The following GREM2 variants were observed in gnomAD, a reference collection of about 807,000 sequenced individuals.
The protein encoded by GREM2 is gremlin-2.
A neutral mutation model predicts 14.2 loss-of-function variants in GREM2; 11 were observed. The ratio of observed to expected loss-of-function variants is 0.78; its 90% CI spans 0.49 to 1.28. The LOEUF (loss-of-function observed/expected upper bound fraction) is 1.28. Among genes scored for constraint, GREM2 ranks in the 50% most tolerant of loss-of-function variants. The probability of loss-of-function intolerance (pLI) is 0.00; values close to 1 mark genes in which losing one functional copy is unlikely to be tolerated. For synonymous variants in GREM2, 98 were observed against 97.6 expected, an observed-to-expected ratio of 1.00 and a Z score of -0.02; for missense variants, 210 against 218.5, an observed-to-expected ratio of 0.96 and a Z score of 0.24.
chr1:240,560,785 G>A (rs1679022274), intron 1 of GREM2, among the ~76,000 whole-genome samples: 1 of 152,098 alleles, frequency 6.6e-6, no homozygotes, highest in Non-Finnish European at 1.5e-5. Flanking sequence ...TCTAGCTAAA[G>A]GCAGTGTCTC....
intron 1 of GREM2, among the ~76,000 whole-genome samples, chr1:240,552,226 G>C (rs1678866476): frequency 6.6e-6 from 1 of 152,086 alleles, no homozygotes; most frequent in South Asian, 2.1e-4. Context: ...TGTTTTCTTT[G>C]AAAGTCATAT....
rs1677275523 is a variant in GREM2 at position 240,492,394 on chromosome 1, T to A, written c.*575A>T. ...GTTGTCTTCTTGGTATCAGGTTTATTAGGAGACGCCCCGTCCACCGACATA... is the reference window on the plus strand; with the variant it reads ...GTTGTCTTCTTGGTATCAGGTTTATAAGGAGACGCCCCGTCCACCGACATA... On this transcript the variant is annotated 3_prime_UTR_variant, in exon 2 of 2. Transcript: ENST00000318160. 4 of 289,472 alleles carry A rather than the reference T, an allele frequency of 1.4e-5. No individual in the cohort carries two copies. Among genetic ancestry groups the A allele is most frequent in the South Asian group, 5.9e-5 (2 of 33,660 alleles). 17.9% of individuals were successfully genotyped at this position (289,472 alleles called of 1,614,324 possible).
chr1:240,589,471 AAAAGG>A (rs1238302393), intron 1 of GREM2, among the ~76,000 whole-genome samples: 1 of 150,414 alleles, frequency 6.6e-6, no homozygotes, highest in African/African-American at 2.5e-5. Context: ...AAAAGAAAAG[AAAAGG>A]AAAGACATTA....
chr1:240,529,754 G>A (rs905659627), intron 1 of GREM2, among the ~76,000 whole-genome samples: 1 of 152,074 alleles, frequency 6.6e-6, no homozygotes, highest in African/African-American at 2.4e-5. Flanking sequence ...GAGAGAAGAT[G>A]CTTTGCTATT....
chr1:240,569,063 C>T (rs1211802965), intron 1 of GREM2, among the ~76,000 whole-genome samples: 1 of 151,696 alleles, frequency 6.6e-6, no homozygotes, highest in Non-Finnish European at 1.5e-5. Context: ...ATTAAAAAAA[C>T]AAAAACAAAC....
At chr1:240,520,008 A>G (rs1349044089) in intron 1 of GREM2, among the ~76,000 whole-genome samples, 1 of 152,128 alleles carries the variant, frequency 6.6e-6, no homozygotes, top group East Asian at 1.9e-4. Flanking sequence ...TGAACCCGAG[A>G]GACGGAGGTT....
intron 1 of GREM2, among the ~76,000 whole-genome samples, chr1:240,588,214 A>G (rs886440885): frequency 6.6e-6 from 1 of 152,180 alleles, no homozygotes; most frequent in African/African-American, 2.4e-5. Context: ...CATTGCACTA[A>G]CAGCCATTTG....
chr1:240,563,046 GTA>G lies in GREM2; in HGVS notation c.-2+48836_-2+48837del, dbSNP rs200976809. On this transcript the variant is annotated intron_variant, in intron 1 of 1. Transcript: ENST00000318160. ...TGTGTGTATATGAGTGTGTATGTGT[GTA>G]TGTGTATAGTGAGTGTGTATGTGTG... 4.3e-4 allele frequency among the ~76,000 whole-genome samples: 64 copies of G among 147,492 alleles called. No individual in the cohort carries two copies. The East Asian group carries it at 0.013, about 29-fold the overall frequency.
At position 240,494,677 on chromosome 1, in the gene GREM2, G is replaced by A. The variant is rs140394341; in HGVS notation, c.-1-1201C>T. Among the ~76,000 whole-genome samples the A allele has an allele frequency of 2.3e-3, 349 of 152,090 alleles. 1 individual carries two copies. Among genetic ancestry groups the A allele is most frequent in the African/African-American group, 7.8e-3 (322 of 41,474 alleles). On this transcript the variant is annotated intron_variant, in intron 1 of 1. Coordinates refer to ENST00000318160, the MANE Select transcript of GREM2 (RefSeq NM_022469.4). ...CTGACTTTGGGAGGCCGAGGCAGGCGGATCACGAGGTCAGGAGATCGAGAC... is the reference window on the plus strand; with the variant it reads ...CTGACTTTGGGAGGCCGAGGCAGGCAGATCACGAGGTCAGGAGATCGAGAC...
At position 240,493,078 on chromosome 1, in the gene GREM2, A is replaced by G; in HGVS notation, c.398T>C (p.Val133Ala). Residue 133 changes from valine to alanine, a missense_variant, in exon 2 of 2, where the codon GTG becomes GCG. Coordinates refer to ENST00000318160, the MANE Select transcript of GREM2 (RefSeq NM_022469.4). ...GTCCAGGCCGGGGCACTCGAGCTCCACGAGGACGGAGGTGACGCGCTGGGG... is the reference window on the plus strand; with the variant it reads ...GTCCAGGCCGGGGCACTCGAGCTCCGCGAGGACGGAGGTGACGCGCTGGGG... ...CKPQRVTSVL[V>A]ELECPGLDPP... 6.2e-7 allele frequency: 1 copy of G among 1,613,432 alleles called. No homozygotes were observed. The highest frequency in any genetic ancestry group is 8.5e-7 in the Non-Finnish European group (1 of 1,179,450).
At chr1:240,525,821 A>G (rs995612054) in intron 1 of GREM2, among the ~76,000 whole-genome samples, 4 of 152,180 alleles carry the variant, frequency 2.6e-5, no homozygotes, top group Non-Finnish European at 4.4e-5. Flanking sequence ...GAAATCTGAC[A>G]TGGGTCTCAC....
At chr1:240,531,081 A>G (rs905316684) in intron 1 of GREM2, among the ~76,000 whole-genome samples, 10 of 152,316 alleles carry the variant, frequency 6.6e-5, no homozygotes, top group South Asian at 6.2e-4. Flanking sequence ...AATAATTGGG[A>G]TAATTGAACT....
intron 1 of GREM2, 47 bp downstream of exon 1, chr1:240,611,837 A>C (rs1680143967): frequency 1.3e-5 from 2 of 152,632 alleles, no homozygotes; most frequent in African/African-American, 4.8e-5. Context: ...TGAAGGTAGA[A>C]ATCAGAAACC....
intron 1 of GREM2, among the ~76,000 whole-genome samples, chr1:240,603,091 A>T (rs1328586383): frequency 6.6e-6 from 1 of 152,158 alleles, no homozygotes; most frequent in Non-Finnish European, 1.5e-5. Flanking sequence ...TCAAAAAAAA[A>T]TAAAATAGAG....
chr1:240,535,139 A>G (rs1256805396), intron 1 of GREM2, among the ~76,000 whole-genome samples: 1 of 152,214 alleles, frequency 6.6e-6, no homozygotes, highest in Non-Finnish European at 1.5e-5. Flanking sequence ...CAATAATAAT[A>G]AAATTATAGT....
chr1:240,575,510 T>C (rs928685768), intron 1 of GREM2, among the ~76,000 whole-genome samples: 1 of 145,062 alleles, frequency 6.9e-6, no homozygotes, highest in African/African-American at 2.6e-5. Context: ...ATTCACTTTT[T>C]AATTTTAATT....
chr1:240,514,449 A>G (rs878916142), intron 1 of GREM2, among the ~76,000 whole-genome samples: 22 of 150,562 alleles, frequency 1.5e-4, no homozygotes, highest in African/African-American at 5.5e-4. Context: ...CAGGTTTTCT[A>G]AAGTTTACAT....
chr1:240,575,934 A>G (rs1679365859), intron 1 of GREM2, among the ~76,000 whole-genome samples: 1 of 152,084 alleles, frequency 6.6e-6, no homozygotes, highest in East Asian at 1.9e-4. Context: ...GGGGGAGGGA[A>G]GAACAAAATC....
intron 1 of GREM2, among the ~76,000 whole-genome samples, chr1:240,532,372 G>A (rs1009437113): frequency 1.2e-4 from 19 of 152,052 alleles, no homozygotes; most frequent in African/African-American, 3.6e-4. Context: ...GTGTGAGCCA[G>A]AGTGCCCGGC....
Sources: gnomAD v4.1 joint callset for allele counts (sites outside exome capture counted in the v4.1 genomes callset) on GRCh38, gnomAD v4.1.1 for gene constraint, MANE v1.5 for transcripts, NCBI Gene and HGNC (gene_info 2026-07-23, HGNC 2026-07-21) for gene names.